NUP93: variants seen among roughly 807,000 people sequenced by gnomAD.
The protein encoded by NUP93 is nucleoporin 93, also known as nuclear pore complex protein Nup93.
Under a neutral mutation model 107.8 loss-of-function variants are expected in NUP93, and 55 were observed. That is an observed-to-expected ratio of 0.51 (90% CI 0.41 to 0.64). NUP93 has a LOEUF of 0.64. Ranked by LOEUF, NUP93 falls within the 30% of genes least tolerant of loss-of-function variation. The pLI, the probability that NUP93 is intolerant of heterozygous loss-of-function variation, is 0.00. For synonymous variants in NUP93, 390 were observed against 397.5 expected (o/e 0.98, Z 0.22); for missense variants, 937 against 1,044.7 (o/e 0.90, Z 1.42).
intron 18 of NUP93, 30 bp from the exon 19 acceptor site, chr16:56,838,922 T>A (rs1420305536): frequency 6.7e-7 from 1 of 1,485,666 alleles, no homozygotes. Context: ...GATACACTCT[T>A]ACTACCCCCA....
At chr16:56,759,798 C>G (rs1962091030) in intron 3 of NUP93, among the ~76,000 whole-genome samples, 1 of 151,930 alleles carries the variant, frequency 6.6e-6, no homozygotes, top group African/African-American at 2.4e-5. Context: ...GGGAGCATCC[C>G]TAATAATGTG....
chr16:56,787,550 CA>C (rs1371310573), intron 3 of NUP93, among the ~76,000 whole-genome samples: 1 of 152,258 alleles, frequency 6.6e-6, no homozygotes, highest in South Asian at 2.1e-4. Context: ...TCGTGGCCCC[CA>C]AATCTTGCTT....
At chr16:56,793,070 C>A (rs1396378573) in intron 3 of NUP93, among the ~76,000 whole-genome samples, 1 of 152,146 alleles carries the variant, frequency 6.6e-6, no homozygotes, top group Non-Finnish European at 1.5e-5. Flanking sequence ...AAAGGATTAG[C>A]AATAATGTCT....
At chr16:56,745,059 T>G (rs1450219601) in intron 1 of NUP93, among the ~76,000 whole-genome samples, 1 of 152,212 alleles carries the variant, frequency 6.6e-6, no homozygotes, top group Non-Finnish European at 1.5e-5. Flanking sequence ...GCAGCTTATA[T>G]TCTCGCAGAG....
chr16:56,817,127 C>T (rs1454169100), intron 5 of NUP93, among the ~76,000 whole-genome samples: 1 of 152,132 alleles, frequency 6.6e-6, no homozygotes, highest in Non-Finnish European at 1.5e-5. Context: ...TCTTTTAATA[C>T]CAGTGATAGC....
Position 56,798,539 on chromosome 16 carries a change from G to A in NUP93, c.360+1G>A, listed in dbSNP as rs753890580. The A allele has an allele frequency of 6.2e-7, 1 of 1,613,742 alleles. No individual in the cohort carries two copies. The highest frequency in any genetic ancestry group is 1.7e-5 in the Admixed American group (1 of 60,008). ...TGCCATCGAAGAGTCCCGGAAGAGG[G>A]TAAGAAAATTAACCAAAATGTAGAT... is the stretch of plus-strand genomic sequence containing the variant. On this transcript the variant is annotated splice_donor_variant, in intron 4 of 21. Transcript: ENST00000308159. LOFTEE classifies it high-confidence loss of function.
At chr16:56,748,560 G>GT (rs1567374918) in intron 2 of NUP93, 134 bp downstream of exon 2, 1 of 746,772 alleles carries the variant, frequency 1.3e-6, no homozygotes, top group Non-Finnish European at 2.1e-6. Context: ...CTCAGAAAGT[G>GT]TTGTAAACAG....
At position 56,761,913 on chromosome 16, in the gene NUP93, G is replaced by C. The variant is rs548251653; in HGVS notation, c.297+3258G>C. On this transcript the variant is annotated intron_variant, in intron 3 of 21. Coordinates refer to ENST00000308159, the MANE Select transcript of NUP93 (RefSeq NM_014669.5). ...GTGAATGCATTTTAAAAAAATTGCTGTGACCACCAAAGGTAGTATATTAAA... is the reference window on the plus strand; with the variant it reads ...GTGAATGCATTTTAAAAAAATTGCTCTGACCACCAAAGGTAGTATATTAAA... 2.8e-4 allele frequency among the ~76,000 whole-genome samples: 43 copies of C among 152,258 alleles called. No homozygotes were observed. The South Asian group carries it at 8.9e-3, about 32-fold the overall frequency.
chr16:56,748,392 A>T lies in NUP93; in HGVS notation c.145A>T (p.Thr49Ser). 1 of 1,613,912 alleles carries T rather than the reference A, an allele frequency of 6.2e-7. No individual in the cohort carries two copies. Among genetic ancestry groups the T allele is most frequent in the Non-Finnish European group, 8.5e-7 (1 of 1,179,956 alleles). Residue 49 changes from threonine (T) to serine (S), a missense_variant, in exon 2 of 22, where the codon ACA becomes TCA. By Grantham distance (58) the Thr-to-Ser change is moderately conservative (BLOSUM62 1). Transcript: ENST00000308159. ...AGERLRSRTL[T>S]RTSQETADVK... ...AGAGCGCCTGCGTTCCCGTACCCTAACACGCACGTCCCAGGAGACGGCAGA... is the reference window on the plus strand; with the variant it reads ...AGAGCGCCTGCGTTCCCGTACCCTATCACGCACGTCCCAGGAGACGGCAGA...
chr16:56,738,312 T>G (rs1186987021), intron 1 of NUP93, among the ~76,000 whole-genome samples: 3 of 152,232 alleles, frequency 2.0e-5, no homozygotes. Context: ...AGAAAGTTAC[T>G]ATGTGGATAA....
At chr16:56,735,139 A>G (rs1961591377) in intron 1 of NUP93, among the ~76,000 whole-genome samples, 2 of 152,248 alleles carry the variant, frequency 1.3e-5, no homozygotes, top group South Asian at 4.1e-4. Flanking sequence ...TCTGTAGGTA[A>G]TGTGTATTGA....
chr16:56,789,875 G>C (rs1439439492), intron 3 of NUP93, among the ~76,000 whole-genome samples: 3 of 152,192 alleles, frequency 2.0e-5, no homozygotes, highest in Non-Finnish European at 4.4e-5. Flanking sequence ...GAGGCAGGTG[G>C]ATCACCTAAG....
At chr16:56,785,604 G>A (rs1293732518) in intron 3 of NUP93, among the ~76,000 whole-genome samples, 2 of 152,152 alleles carry the variant, frequency 1.3e-5, no homozygotes, top group African/African-American at 4.8e-5. Context: ...CAGCCAGCTC[G>A]CTAGGAAACA....
intron 2 of NUP93, among the ~76,000 whole-genome samples, chr16:56,753,603 T>C (rs142796690): frequency 6.8e-4 from 104 of 152,338 alleles, no homozygotes; most frequent in African/African-American, 2.5e-3. Flanking sequence ...TCCAGGTGAT[T>C]CATATGCACT....
At chr16:56,835,867 G>A (rs1038429875) in intron 16 of NUP93, among the ~76,000 whole-genome samples, 2 of 152,096 alleles carry the variant, frequency 1.3e-5, no homozygotes, top group Admixed American at 6.5e-5. Flanking sequence ...GGTGGCTCAC[G>A]CCTGTAATCC....
chr16:56,839,859 A>G, intron 20 of NUP93: 1 of 453,950 alleles, frequency 2.2e-6, no homozygotes, highest in South Asian at 2.3e-5. Flanking sequence ...TGGGAGAAAC[A>G]GGTTTCTGGT....
In NUP93 at chr16:56,829,014, T is replaced by C. The variant is rs756839499; in HGVS notation, c.832T>C (p.Leu278=). The C allele has an allele frequency of 1.2e-6, 2 of 1,613,820 alleles. No homozygotes were observed. Among genetic ancestry groups the C allele is most frequent in the Non-Finnish European group, 1.7e-6 (2 of 1,179,940 alleles). ...NYTLVTVFGN[L]HQAQLGGVPG... The stretch of plus-strand genomic sequence containing the variant: ...CACCCTTGTGACTGTCTTTGGAAAT[T>C]TGCATCAGGCCCAGCTGGGCGGGGT... Residue 278 remains leucine (L), a synonymous_variant, in exon 9 of 22, where the codon TTG becomes CTG. Coordinates refer to ENST00000308159, the MANE Select transcript of NUP93 (RefSeq NM_014669.5).
chr16:56,752,727 A>G (rs1244760132), intron 2 of NUP93, among the ~76,000 whole-genome samples: 3 of 152,236 alleles, frequency 2.0e-5, no homozygotes, highest in African/African-American at 7.2e-5. Context: ...GAAAGTTGGA[A>G]GAATCACACT....
intron 3 of NUP93, among the ~76,000 whole-genome samples, chr16:56,771,594 A>G (rs1031250445): frequency 6.6e-6 from 1 of 152,210 alleles, no homozygotes; most frequent in Non-Finnish European, 1.5e-5. Context: ...CTCCAGCACG[A>G]AAGACTTGCT....
Sources: allele counts gnomAD v4.1 joint callset (sites outside exome capture counted in the v4.1 genomes callset), GRCh38; gene constraint gnomAD v4.1.1; transcripts MANE v1.5; gene names NCBI Gene and HGNC (gene_info 2026-07-23, HGNC 2026-07-21).